The following GUCY1A2 variants were observed in gnomAD, a reference collection of about 807,000 sequenced individuals.
The protein encoded by GUCY1A2 is guanylate cyclase 1 soluble subunit alpha 2.
GUCY1A2 carries 27 observed loss-of-function variants against 63.5 expected under a neutral mutation model. The observed-to-expected ratio is 0.43, with a 90% CI of 0.31 to 0.59. GUCY1A2 has a LOEUF of 0.59. Among genes scored for constraint, GUCY1A2 ranks in the 20% least tolerant of loss-of-function variants. The pLI is 0.11. For synonymous variants in GUCY1A2, 364 were observed against 343.5 expected, an observed-to-expected ratio of 1.06 and a Z score of -0.66; for missense variants, 768 against 913.3, an observed-to-expected ratio of 0.84 and a Z score of 2.05.
intron 6 of GUCY1A2, among the ~76,000 whole-genome samples, chr11:106,726,560 C>A (rs1280849965): frequency 6.6e-6 from 1 of 152,052 alleles, no homozygotes; most frequent in Non-Finnish European, 1.5e-5. Context: ...GGAGAATGAC[C>A]TTAGGCGGGT....
chr11:106,844,377 C>T (rs1030924839), intron 4 of GUCY1A2, among the ~76,000 whole-genome samples: 3 of 151,606 alleles, frequency 2.0e-5, no homozygotes, highest in African/African-American at 7.3e-5. Flanking sequence ...TGTGCAATAC[C>T]TAAGAAACAT....
intron 6 of GUCY1A2, among the ~76,000 whole-genome samples, chr11:106,709,438 TAATAATA>T (rs1863002742): frequency 1.5e-5 from 1 of 68,072 alleles, no homozygotes; most frequent in South Asian, 3.4e-4. Context: ...TAAGTATATA[TAATAATA>T]TATATTCTAT....
intron 6 of GUCY1A2, among the ~76,000 whole-genome samples, chr11:106,769,598 A>T (rs2135397708): frequency 6.6e-6 from 1 of 152,286 alleles, no homozygotes; most frequent in Admixed American, 6.5e-5. Context: ...TACTATTCAA[A>T]ATGATAAATC....
intron 4 of GUCY1A2, among the ~76,000 whole-genome samples, chr11:106,873,526 T>A (rs1239151522): frequency 2.0e-5 from 3 of 152,190 alleles, no homozygotes; most frequent in Non-Finnish European, 4.4e-5. Context: ...ATCAGTGATG[T>A]TGAACTTTTT....
chr11:106,890,857 A>G (rs1859964116), intron 4 of GUCY1A2, among the ~76,000 whole-genome samples: 1 of 152,122 alleles, frequency 6.6e-6, no homozygotes, highest in African/African-American at 2.4e-5. Context: ...ATAAATAGAG[A>G]ACATTATAAT....
chr11:106,865,218 T>C (rs1170932368), intron 4 of GUCY1A2, among the ~76,000 whole-genome samples: 1 of 152,118 alleles, frequency 6.6e-6, no homozygotes, highest in African/African-American at 2.4e-5. Flanking sequence ...TGGTAGTTTG[T>C]ATTTCTCTGG....
chr11:106,820,834 T>C (rs1282848817), intron 4 of GUCY1A2, among the ~76,000 whole-genome samples: 1 of 152,208 alleles, frequency 6.6e-6, no homozygotes, highest in East Asian at 1.9e-4. Context: ...ATTCAATAGA[T>C]TGAAATGTTG....
At chr11:106,777,756 C>T (rs1392594790) in intron 5 of GUCY1A2, among the ~76,000 whole-genome samples, 1 of 152,034 alleles carries the variant, frequency 6.6e-6, no homozygotes, top group Non-Finnish European at 1.5e-5. Context: ...TGCAGCAAAC[C>T]ACCATGGTAC....
intron 1 of GUCY1A2, among the ~76,000 whole-genome samples, chr11:106,995,410 C>T (rs1409753630): frequency 6.6e-6 from 1 of 152,170 alleles, no homozygotes; most frequent in African/African-American, 2.4e-5. Context: ...GTCTGACTCC[C>T]TCCAAAATCT....
chr11:106,991,381 G>A (rs1341183427), intron 1 of GUCY1A2, among the ~76,000 whole-genome samples: 1 of 152,088 alleles, frequency 6.6e-6, no homozygotes, highest in African/African-American at 2.4e-5. Flanking sequence ...AATCACTACT[G>A]CTCTAAGCCA....
intron 4 of GUCY1A2, among the ~76,000 whole-genome samples, chr11:106,890,249 G>A (rs896606520): frequency 5.9e-5 from 9 of 152,024 alleles, no homozygotes; most frequent in Non-Finnish European, 8.8e-5. Context: ...TTCAGTAAAC[G>A]TTTCTCTAGT....
At chr11:106,960,897 T>G (rs1261528042) in intron 3 of GUCY1A2, among the ~76,000 whole-genome samples, 2 of 151,966 alleles carry the variant, frequency 1.3e-5, no homozygotes, top group African/African-American at 4.8e-5. Context: ...CCAGGACACA[T>G]ACCACAATTT....
At chr11:106,835,492 T>TA (rs1859104511) in intron 4 of GUCY1A2, among the ~76,000 whole-genome samples, 1 of 150,406 alleles carries the variant, frequency 6.6e-6, no homozygotes, top group Admixed American at 6.6e-5. Flanking sequence ...ATGGGGAGAA[T>TA]AAAGAGAATG....
intron 6 of GUCY1A2, among the ~76,000 whole-genome samples, chr11:106,709,055 C>T (rs7949698): frequency 0.99 from 144,890 of 145,900 alleles, 71,944 homozygotes; most frequent in East Asian, 1. Flanking sequence ...TTTCATAGCA[C>T]TAAACATAAT....
At chr11:107,010,940 G>C (rs973426460) in intron 1 of GUCY1A2, among the ~76,000 whole-genome samples, 7 of 151,936 alleles carry the variant, frequency 4.6e-5, no homozygotes, top group Non-Finnish European at 1.0e-4. Flanking sequence ...ATGTTGGCCA[G>C]GCTCGTCTTG....
At chr11:106,709,463 G>C (rs191701635) in intron 6 of GUCY1A2, among the ~76,000 whole-genome samples, 1 of 83,828 alleles carries the variant, frequency 1.2e-5, no homozygotes, top group African/African-American at 4.7e-5. Flanking sequence ...TATATTTATA[G>C]AATAATATAT....
At chr11:106,859,503 G>C (rs1482918449) in intron 4 of GUCY1A2, among the ~76,000 whole-genome samples, 4 of 151,964 alleles carry the variant, frequency 2.6e-5, no homozygotes, top group African/African-American at 9.7e-5. Flanking sequence ...CTTCATAAAA[G>C]TTTACTAAGC....
chr11:106,848,679 T>G (rs1040426230), intron 4 of GUCY1A2, among the ~76,000 whole-genome samples: 1 of 151,628 alleles, frequency 6.6e-6, no homozygotes, highest in Non-Finnish European at 1.5e-5. Context: ...TACACTGGCT[T>G]TGAGAGAAGG....
At chr11:106,825,375 T>C (rs1858954815) in intron 4 of GUCY1A2, among the ~76,000 whole-genome samples, 3 of 151,712 alleles carry the variant, frequency 2.0e-5, no homozygotes, top group Non-Finnish European at 4.4e-5. Context: ...ATCTTTTGGC[T>C]TCCCTGAGCC....
Sources: gnomAD v4.1 joint callset for allele counts (sites outside exome capture counted in the v4.1 genomes callset) on GRCh38, gnomAD v4.1.1 for gene constraint, MANE v1.5 for transcripts, NCBI Gene and HGNC (gene_info 2026-07-23, HGNC 2026-07-21) for gene names.